Variants in CPD observed in about 807,000 individuals in gnomAD.
The protein encoded by CPD is carboxypeptidase D.
In CPD, 69 loss-of-function variants were observed where a neutral mutation model predicts 138.3. That is an observed-to-expected ratio of 0.50 (90% CI 0.41 to 0.61). The LOEUF (loss-of-function observed/expected upper bound fraction) is 0.61, where lower values mean the gene tolerates loss of function less well. Ranked by LOEUF, CPD falls within the 20% of genes least tolerant of loss-of-function variation. The pLI is 0.00. For missense variants in CPD, 1,432 were observed against 1,733.3 expected (o/e 0.83, Z 3.09); for synonymous variants, 651 against 642.1 (o/e 1.01, Z -0.21).
intron 9 of CPD, among the ~76,000 whole-genome samples, chr17:30,439,602 C>G (rs1597730109): frequency 8.4e-6 from 1 of 119,332 alleles, no homozygotes. Flanking sequence ...TATTCCCTTT[C>G]CTGTGTCCAT....
chr17:30,396,547 AAG>A (rs750619613), intron 2 of CPD, among the ~76,000 whole-genome samples: 1 of 152,194 alleles, frequency 6.6e-6, no homozygotes, highest in Non-Finnish European at 1.5e-5. Context: ...CTGTGGTGAA[AAG>A]AGTGATAAGA....
intron 7 of CPD, among the ~76,000 whole-genome samples, chr17:30,428,471 A>C (rs531850575): frequency 6.6e-6 from 1 of 152,312 alleles, no homozygotes; most frequent in Admixed American, 6.5e-5. Context: ...GATAAATAAA[A>C]TGTGGTCTGT....
At chr17:30,456,384 T>C (rs574105362) in intron 16 of CPD, 33 bp downstream of exon 16, 9 of 1,595,162 alleles carry the variant, frequency 5.6e-6, no homozygotes, top group African/African-American at 2.7e-5. Flanking sequence ...GTTATTGCTG[T>C]TGTTGTTGTT....
chr17:30,447,288 C>T (rs181182612), intron 12 of CPD, among the ~76,000 whole-genome samples: 13 of 152,100 alleles, frequency 8.5e-5, no homozygotes, highest in Non-Finnish European at 1.6e-4. Flanking sequence ...AGGTTTTCTT[C>T]TAGGGTTTTT....
chr17:30,379,376 G>A lies in CPD; in HGVS notation c.396G>A (p.Val132=). The part of the protein sequence containing the change: ...AGPLLPGRPQ[V]KLVGNMHGDE... ...CGCTGCTGCCCGGCCGGCCCCAGGT[G>A]AAGCTGGTGGGCAACATGCATGGCG... Residue 132 remains valine (V), a synonymous_variant, in exon 1 of 21, where the codon GTG becomes GTA. Coordinates refer to ENST00000225719, the MANE Select transcript of CPD (RefSeq NM_001304.5). The surrounding 1 kb of genome is among the most constrained non-coding windows in gnomAD (Gnocchi z 7.0). The A allele has an allele frequency of 6.6e-7, 1 of 1,518,230 alleles. No individual in the cohort carries two copies. The highest frequency in any genetic ancestry group is 2.0e-5 in the Admixed American group (1 of 49,016). 94.0% of individuals were successfully genotyped at this position (1,518,230 alleles called of 1,614,324 possible). A position where few individuals can be genotyped will look rare whatever the true frequency, so the allele number is the denominator to read the frequency against.
intron 2 of CPD, among the ~76,000 whole-genome samples, chr17:30,405,256 G>A: frequency 6.6e-6 from 1 of 151,970 alleles, no homozygotes; most frequent in Non-Finnish European, 1.5e-5. Context: ...AGCAGTTGGG[G>A]GAATAGTCAA....
At chr17:30,431,281 T>G (rs1251561591) in intron 7 of CPD, among the ~76,000 whole-genome samples, 1 of 152,232 alleles carries the variant, frequency 6.6e-6, no homozygotes, top group East Asian at 1.9e-4. Context: ...GAAATATCTG[T>G]TCAAGTCCTT....
At chr17:30,384,255 G>C (rs937332612) in intron 1 of CPD, among the ~76,000 whole-genome samples, 1 of 152,044 alleles carries the variant, frequency 6.6e-6, no homozygotes, top group African/African-American at 2.4e-5. Flanking sequence ...CTCAACTATG[G>C]CTTCTCTCTT....
At chr17:30,411,189 A>G (rs560239279) in intron 2 of CPD, among the ~76,000 whole-genome samples, 3 of 151,820 alleles carry the variant, frequency 2.0e-5, no homozygotes, top group African/African-American at 4.8e-5. Flanking sequence ...ATTGGCCCCC[A>G]CTCTCTTCTG....
At chr17:30,391,144 T>A (rs2143321250) in intron 2 of CPD, among the ~76,000 whole-genome samples, 1 of 151,614 alleles carries the variant, frequency 6.6e-6, no homozygotes, top group African/African-American at 2.4e-5. Context: ...TTTTTTTTTT[T>A]TTTTTTTTTA....
At chr17:30,410,216 G>A (rs117653611) in intron 2 of CPD, among the ~76,000 whole-genome samples, 4,229 of 152,254 alleles carry the variant, frequency 0.028, 78 homozygotes, top group Non-Finnish European at 0.046. Flanking sequence ...ACTGTGGCCC[G>A]AGAGACAGTT....
In CPD at chr17:30,468,164, T is replaced by C. The variant is rs1177749264; in HGVS notation, c.*3350T>C. ...AGCAATAATTCGTTAATGATTCCAC[T>C]TGATTTTCAGAATATTGTCCTGGTT... On this transcript the variant is annotated 3_prime_UTR_variant, in exon 21 of 21. Coordinates refer to ENST00000225719, the MANE Select transcript of CPD (RefSeq NM_001304.5). 3 of 152,590 alleles carry C rather than the reference T, an allele frequency of 2.0e-5. No homozygotes were observed. Among genetic ancestry groups the C allele is most frequent in the Non-Finnish European group, 4.4e-5 (3 of 67,998 alleles). The allele number at this position is 152,590 out of a possible 1,614,324, so 9.5% of individuals were successfully genotyped here.
At chr17:30,442,285 T>A (rs374517431) in intron 9 of CPD, 23 bp from the exon 10 acceptor site, 1 of 1,607,712 alleles carries the variant, frequency 6.2e-7, no homozygotes, top group Non-Finnish European at 8.5e-7. Flanking sequence ...TCAGAGTGAC[T>A]AATTTTAATT....
At chr17:30,451,353 A>G (rs1046392451) in intron 13 of CPD, among the ~76,000 whole-genome samples, 6 of 152,086 alleles carry the variant, frequency 3.9e-5, no homozygotes, top group Non-Finnish European at 5.9e-5. Flanking sequence ...AACTTACTCA[A>G]CTCTGCCATT....
At chr17:30,396,717 C>T (rs1363273045) in intron 2 of CPD, among the ~76,000 whole-genome samples, 1 of 152,184 alleles carries the variant, frequency 6.6e-6, no homozygotes, top group Non-Finnish European at 1.5e-5. Context: ...TCACAATTTG[C>T]AGTATTACTA....
chr17:30,457,144 C>T (rs1913322495), intron 17 of CPD, among the ~76,000 whole-genome samples: 1 of 152,168 alleles, frequency 6.6e-6, no homozygotes, highest in African/African-American at 2.4e-5. Context: ...ATTCCCCTCT[C>T]CCACGGCTCC....
At chr17:30,455,283 T>C in intron 14 of CPD, 56 bp from the exon 15 acceptor site, 1 of 1,360,346 alleles carries the variant, frequency 7.4e-7, no homozygotes, top group Non-Finnish European at 1.0e-6. Flanking sequence ...TTTTCTTAGA[T>C]ACTCATACTA....
Position 30,427,486 on chromosome 17 carries a change from CA to C in CPD, c.1947del (p.Gln649HisfsTer7). ...DQFVQITDPT[Q>X]PETIAVMSWM... ...GTTTGTTCAGATCACAGATCCTACG[CA>C]ACCAGAAACTATTGCTGTAATGAGC... On this transcript the variant is annotated frameshift_variant, in exon 7 of 21. Coordinates refer to ENST00000225719, the MANE Select transcript of CPD (RefSeq NM_001304.5). LOFTEE classifies it high-confidence loss of function. 6.2e-7 allele frequency: 1 copy of C among 1,614,136 alleles called. No homozygotes were observed. Among genetic ancestry groups the C allele is most frequent in the Non-Finnish European group, 8.5e-7 (1 of 1,180,004 alleles).
intron 2 of CPD, among the ~76,000 whole-genome samples, chr17:30,398,012 T>C (rs1352322216): frequency 1.4e-5 from 2 of 140,656 alleles, no homozygotes; most frequent in Non-Finnish European, 3.1e-5. Context: ...ACACTGTCTC[T>C]ACAAAAAAAA....
Sources: gnomAD v4.1 joint callset for allele counts (sites outside exome capture counted in the v4.1 genomes callset) on GRCh38, gnomAD v4.1.1 for gene constraint, Gnocchi (gnomAD v3.1) non-coding constraint, MANE v1.5 for transcripts, NCBI Gene and HGNC (gene_info 2026-07-23, HGNC 2026-07-21) for gene names.